COL15A1: variants seen among roughly 807,000 people sequenced by gnomAD.
COL15A1 encodes collagen alpha-1(XV) chain.
COL15A1 carries 111 observed loss-of-function variants against 165.9 expected under a neutral mutation model. The observed-to-expected ratio is 0.67, with a 90% CI of 0.57 to 0.78. The LOEUF (loss-of-function observed/expected upper bound fraction) is 0.78, where lower values mean the gene tolerates loss of function less well. Ranked by LOEUF, COL15A1 falls within the 30% of genes least tolerant of loss-of-function variation. The pLI, the probability that COL15A1 is intolerant of heterozygous loss-of-function variation, is 0.00. For missense variants in COL15A1, 1,745 were observed against 1,789.7 expected (o/e 0.98, Z 0.45); for synonymous variants, 659 against 674.8 (o/e 0.98, Z 0.36).
In COL15A1 at chr9:99,044,624, G is replaced by A. The variant is rs748541753; in HGVS notation, c.2631G>A (p.Leu877=). The A allele has an allele frequency of 9.3e-6, 15 of 1,614,026 alleles. No individual in the cohort carries two copies. The African/African-American group carries it at 1.5e-4, about 16-fold the overall frequency. Residue 877 remains leucine, a synonymous_variant, in exon 25 of 42, where the codon CTG becomes CTA. Transcript: ENST00000375001. ...CAGAGGACATTCCTCTGGAAAGGCT[G>A]ATGGGGAAAAAGGTAATTATGTCAC... ...ILTEDIPLER[L]MGKKGEPGMH...
chr9:98,993,739 C>T (rs1838492063), intron 5 of COL15A1, among the ~76,000 whole-genome samples: 1 of 152,142 alleles, frequency 6.6e-6, no homozygotes, highest in Admixed American at 6.5e-5. Flanking sequence ...TTAACATCTC[C>T]TGGAAGGGCT....
chr9:98,955,163 G>A (rs1283246929), intron 2 of COL15A1, among the ~76,000 whole-genome samples: 1 of 152,212 alleles, frequency 6.6e-6, no homozygotes, highest in Non-Finnish European at 1.5e-5. Flanking sequence ...AAAATCTCCT[G>A]GGTGCAGTCT....
chr9:99,035,936 C>A (rs34154744), intron 19 of COL15A1, among the ~76,000 whole-genome samples: 17,697 of 152,180 alleles, frequency 0.12, 1,176 homozygotes, highest in South Asian at 0.2. Context: ...CAGTCTAGCA[C>A]AGATTCAGGG....
In COL15A1 at chr9:98,964,703, T is replaced by G. The variant is rs185466966; in HGVS notation, c.100+20453T>G. Among the ~76,000 whole-genome samples, 3 of 152,200 alleles carry G rather than the reference T, an allele frequency of 2.0e-5. No individual in the cohort carries two copies. The East Asian group carries it at 5.8e-4, about 29-fold the overall frequency. ...GCCCTTTCCCATGCCATCTTCCGGG[T>G]CATGGGAGAGAGTGGCCTGGATCTT... On this transcript the variant is annotated intron_variant, in intron 2 of 41. Coordinates refer to ENST00000375001, the MANE Select transcript of COL15A1 (RefSeq NM_001855.5).
At chr9:99,054,469 G>C in intron 31 of COL15A1, 107 bp from the exon 32 acceptor site, 1 of 1,243,482 alleles carries the variant, frequency 8.0e-7, no homozygotes, top group Non-Finnish European at 1.1e-6. Flanking sequence ...CTTTGTTTGA[G>C]TGGACTTTGC....
At chr9:98,976,736 G>A (rs1306282588) in intron 2 of COL15A1, among the ~76,000 whole-genome samples, 3 of 152,306 alleles carry the variant, frequency 2.0e-5, no homozygotes, top group East Asian at 1.9e-4. Context: ...GTGTGGGGGA[G>A]ACAGGGAGAA....
At chr9:99,009,492 T>C (rs12379014) in intron 9 of COL15A1, among the ~76,000 whole-genome samples, 16,302 of 152,234 alleles carry the variant, frequency 0.11, 1,039 homozygotes, top group East Asian at 0.25. Context: ...TCTTTTGGAC[T>C]TCAGGGGAAT....
Position 99,047,850 on chromosome 9 carries a change from G to A in COL15A1, c.2733+11G>A, listed in dbSNP as rs372609142. On this transcript the variant is annotated intron_variant, in intron 27 of 41. Transcript: ENST00000375001. Reference sequence around the variant, plus strand: ...CTTCCCGGGCGACCTGTAGGTATCAGTGTTCATTGGACAGGCTGGAGGGGG... The same window carrying A: ...CTTCCCGGGCGACCTGTAGGTATCAATGTTCATTGGACAGGCTGGAGGGGG... 14 of 1,613,798 alleles carry A rather than the reference G, an allele frequency of 8.7e-6. No individual in the cohort carries two copies. The highest frequency in any genetic ancestry group is 1.6e-4 in the Middle Eastern group (1 of 6,084).
At chr9:99,048,909 CTCTAAG>C (rs1267975800) in intron 28 of COL15A1, among the ~76,000 whole-genome samples, 14 of 152,114 alleles carry the variant, frequency 9.2e-5, no homozygotes, top group African/African-American at 2.9e-4. Flanking sequence ...GTAAACACAG[CTCTAAG>C]TCTATTGCTG....
Position 99,035,131 on chromosome 9 carries a change from T to G in COL15A1, c.2197T>G (p.Cys733Gly), listed in dbSNP as rs1411245958. 6.2e-7 allele frequency: 1 copy of G among 1,601,534 alleles called. No homozygotes were observed. The highest frequency in any genetic ancestry group is 1.8e-5 in the Admixed American group (1 of 56,566). The stretch of plus-strand genomic sequence containing the variant: ...ACCCCCTGGGCCCCCAGGCCCTGGA[T>G]GCACAATGGGACTTGGATTCGAGGT... ...PGPPGPPGPG[C>G]TMGLGFEDTE... Residue 733 changes from cysteine (C) to glycine (G), a missense_variant, in exon 18 of 42, where the codon TGC becomes GGC. Physicochemically the swap from Cys to Gly is radical, Grantham distance 159 (BLOSUM62 -3). Coordinates refer to ENST00000375001, the MANE Select transcript of COL15A1 (RefSeq NM_001855.5).
intron 2 of COL15A1, among the ~76,000 whole-genome samples, chr9:98,953,866 G>A (rs1038417909): frequency 6.6e-6 from 1 of 152,220 alleles, no homozygotes; most frequent in Non-Finnish European, 1.5e-5. Flanking sequence ...TCCTCCCAAA[G>A]GGAATTTCTG....
chr9:99,023,269 T>C lies in COL15A1; in HGVS notation c.1762-88T>C, dbSNP rs1839057670. On this transcript the variant is annotated intron_variant, in intron 13 of 41. Transcript: ENST00000375001. Reference sequence around the variant, plus strand: ...TCGGGCTATAGGATATAGGAAACATTTCCCCATTTTGGAGAAAACTCAGTG... The same window carrying C: ...TCGGGCTATAGGATATAGGAAACATCTCCCCATTTTGGAGAAAACTCAGTG... 8 of 1,466,096 alleles carry C rather than the reference T, an allele frequency of 5.5e-6. No individual in the cohort carries two copies. The South Asian group carries it at 1.1e-4, about 20-fold the overall frequency. 90.8% of individuals were successfully genotyped at this position (1,466,096 alleles called of 1,614,324 possible).
Position 99,023,356 on chromosome 9 carries a change from G to A in COL15A1, c.1762-1G>A. On this transcript the variant is annotated splice_acceptor_variant, in intron 13 of 41. Coordinates refer to ENST00000375001, the MANE Select transcript of COL15A1 (RefSeq NM_001855.5). LOFTEE classifies it high-confidence loss of function. ...GTAGTGGAAATTTCTTCTCTTTCCA[G>A]GCAGGAGCAGAAGCAGAGGGCTCTG... 1 of 1,601,442 alleles carries A rather than the reference G, an allele frequency of 6.2e-7. No individual in the cohort carries two copies. The highest frequency in any genetic ancestry group is 1.3e-5 in the African/African-American group (1 of 74,572).
At chr9:99,048,725 A>G (rs1360563857) in intron 28 of COL15A1, among the ~76,000 whole-genome samples, 1 of 117,562 alleles carries the variant, frequency 8.5e-6, no homozygotes, top group Non-Finnish European at 1.6e-5. Context: ...CCGGAGTGTG[A>G]TGTTTCCCTT....
At chr9:99,046,181 C>A (rs772041625) in intron 26 of COL15A1, among the ~76,000 whole-genome samples, 2 of 152,232 alleles carry the variant, frequency 1.3e-5, no homozygotes, top group Admixed American at 6.5e-5. Flanking sequence ...GCTTGCCAAA[C>A]ACAGGCAGTA....
In COL15A1 at chr9:99,056,356, C is replaced by T; in HGVS notation, c.3289C>T (p.Pro1097Ser). The T allele has an allele frequency of 3.1e-6, 5 of 1,613,376 alleles. No homozygotes were observed. Among genetic ancestry groups the T allele is most frequent in the Non-Finnish European group, 4.2e-6 (5 of 1,179,946 alleles). The change falls in exon 35 of 42, where the codon CCA becomes TCA. Residue 1097 changes from proline to serine, a missense_variant. Coordinates refer to ENST00000375001, the MANE Select transcript of COL15A1 (RefSeq NM_001855.5). ...CTTTGGAAGACCTGGTGATCCTGGG[C>T]CACCGGGGCCCCCGGGGCCACCAGG... The part of the protein sequence containing the change: ...PGFGRPGDPG[P>S]PGPPGPPGPP...
At chr9:98,954,109 C>G (rs1450283712) in intron 2 of COL15A1, among the ~76,000 whole-genome samples, 1 of 152,188 alleles carries the variant, frequency 6.6e-6, no homozygotes, top group African/African-American at 2.4e-5. Context: ...CCTGAGTTTC[C>G]TAACACAGTG....
intron 5 of COL15A1, among the ~76,000 whole-genome samples, chr9:98,991,162 T>G (rs1050042048): frequency 5.9e-5 from 9 of 152,174 alleles, no homozygotes; most frequent in African/African-American, 2.2e-4. Flanking sequence ...GCGATATTTA[T>G]TGCAAAGAGC....
In COL15A1 at chr9:99,047,964, CA is replaced by C; in HGVS notation, c.2759del (p.Lys920ArgfsTer30). On this transcript the variant is annotated frameshift_variant, in exon 28 of 42. Transcript: ENST00000375001. LOFTEE classifies it high-confidence loss of function. ...RPGRPGLNGL[K>X]GTKGDPGVIM... ...AGGGTCGCCCAGGACTGAATGGCCT[CA>C]AGGGTACCAAAGGAGATCCAGGGGT... 2 of 1,604,642 alleles carry C rather than the reference CA, an allele frequency of 1.2e-6. No individual in the cohort carries two copies. The highest frequency in any genetic ancestry group is 1.7e-6 in the Non-Finnish European group (2 of 1,173,554).
Sources: gnomAD v4.1 joint callset for allele counts (sites outside exome capture counted in the v4.1 genomes callset) on GRCh38, gnomAD v4.1.1 for gene constraint, MANE v1.5 for transcripts, NCBI Gene and HGNC (gene_info 2026-07-23, HGNC 2026-07-21) for gene names.